The following TMEM63A variants were observed in gnomAD, a reference collection of about 807,000 sequenced individuals.
TMEM63A encodes the protein transmembrane protein 63A.
TMEM63A carries 76 observed loss-of-function variants against 100.6 expected under a neutral mutation model. That is an observed-to-expected ratio of 0.76 (90% CI 0.63 to 0.91). The LOEUF is 0.91. Ranked by LOEUF, TMEM63A falls within the 40% of genes least tolerant of loss-of-function variation. The pLI is 0.00. For synonymous variants in TMEM63A, 401 were observed against 401.1 expected (o/e 1.00, Z 0.00); for missense variants, 876 against 1,008.8 (o/e 0.87, Z 1.78).
At chr1:225,856,470 C>G (rs192799362) in intron 17 of TMEM63A, among the ~76,000 whole-genome samples, 182 bp downstream of exon 17, 12 of 151,120 alleles carry the variant, frequency 7.9e-5, no homozygotes, top group African/African-American at 2.9e-4. Flanking sequence ...TAAAGAAGAA[C>G]AATCAATCAT....
Position 225,865,594 on chromosome 1 carries a change from T to A in TMEM63A, c.746+303A>T, listed in dbSNP as rs1670162031. On this transcript the variant is annotated intron_variant, in intron 10 of 24. Coordinates refer to ENST00000366835, the MANE Select transcript of TMEM63A (RefSeq NM_014698.3). This position sits in a 1 kb window ranked among gnomAD's most constrained non-coding sequence, Gnocchi z 4.6. ...GCTAAGAACCCCGGGGTCAACAATT[T>A]TTTCCCCCGTATGCTCTCAAGACGT... The A allele has an allele frequency of 3.3e-6, 1 of 301,298 alleles. No individual in the cohort carries two copies. Among genetic ancestry groups the A allele is most frequent in the Non-Finnish European group, 6.5e-6 (1 of 154,904 alleles). 18.7% of individuals were successfully genotyped at this position (301,298 alleles called of 1,614,324 possible).
intron 23 of TMEM63A, among the ~76,000 whole-genome samples, chr1:225,847,725 TC>T (rs1159208705): frequency 6.6e-6 from 1 of 152,176 alleles, no homozygotes; most frequent in Non-Finnish European, 1.5e-5. Flanking sequence ...TCCTGCATGT[TC>T]CCTGCTTGGC....
intron 17 of TMEM63A, 71 bp downstream of exon 17, chr1:225,856,581 T>C: frequency 6.6e-7 from 1 of 1,518,448 alleles, no homozygotes; most frequent in Non-Finnish European, 9.0e-7. Flanking sequence ...ACCGTTTGCA[T>C]TCTCCTGGGG....
rs1669431829 is a variant in TMEM63A, at chr1:225,853,031, G to T, written c.1798-262C>A. ...CAACAGGCATGTGAGCCCCTGGAGG[G>T]AAGAGGTGGTCAGGGAAGAGGTGTA... On this transcript the variant is annotated intron_variant, in intron 19 of 24. Transcript: ENST00000366835. This position sits in a 1 kb window ranked among gnomAD's most constrained non-coding sequence, Gnocchi z 4.0. Among the ~76,000 whole-genome samples, 1 of 152,190 alleles carries T rather than the reference G, an allele frequency of 6.6e-6. No homozygotes were observed. The highest frequency in any genetic ancestry group is 2.4e-5 in the African/African-American group (1 of 41,456).
rs1668974245 is a variant in TMEM63A, at chr1:225,846,187, C to T, written c.*752G>A. The T allele has an allele frequency of 6.5e-6, 1 of 153,202 alleles. No individual in the cohort carries two copies. The highest frequency in any genetic ancestry group is 6.5e-5 in the Admixed American group (1 of 15,302). 9.5% of individuals were successfully genotyped at this position (153,202 alleles called of 1,614,324 possible). A position where few individuals can be genotyped will look rare whatever the true frequency, so the allele number is the denominator to read the frequency against. On this transcript the variant is annotated 3_prime_UTR_variant, in exon 25 of 25. Transcript: ENST00000366835. ...GCTCCGAGGAGGCCCTGAGCACTGCCCACCCCCACACCTTGGAGGGAGCAG... is the reference window on the plus strand; with the variant it reads ...GCTCCGAGGAGGCCCTGAGCACTGCTCACCCCCACACCTTGGAGGGAGCAG...
At chr1:225,854,371 G>A (rs1669506381) in intron 18 of TMEM63A, among the ~76,000 whole-genome samples, 1 of 152,210 alleles carries the variant, frequency 6.6e-6, no homozygotes, top group Admixed American at 6.5e-5. Flanking sequence ...TACACAGATG[G>A]CCACTGTGTC....
At position 225,846,768 on chromosome 1, in the gene TMEM63A, G is replaced by T; in HGVS notation, c.*171C>A. On this transcript the variant is annotated 3_prime_UTR_variant, in exon 25 of 25. Coordinates refer to ENST00000366835, the MANE Select transcript of TMEM63A (RefSeq NM_014698.3). ...GAAGCTTGTGCCGGAGGGGAAACTG[G>T]GTGAGCAAGGGAGGGGCGAGGCCTG... The T allele has an allele frequency of 2.8e-6, 1 of 358,238 alleles. No individual in the cohort carries two copies. Among genetic ancestry groups the T allele is most frequent in the South Asian group, 8.6e-5 (1 of 11,680 alleles). 22.2% of individuals were successfully genotyped at this position (358,238 alleles called of 1,614,324 possible). A position where few individuals can be genotyped will look rare whatever the true frequency, so the allele number is the denominator to read the frequency against.
intron 15 of TMEM63A, 21 bp downstream of exon 15, chr1:225,859,175 C>T: frequency 6.2e-7 from 1 of 1,613,970 alleles, no homozygotes. Flanking sequence ...CTGGGAGGGG[C>T]CTTGCAGAAC....
At position 225,859,366 on chromosome 1, in the gene TMEM63A, G is replaced by C. The variant is rs372804635; in HGVS notation, c.1224-17C>G. The C allele has an allele frequency of 3.7e-6, 6 of 1,612,974 alleles. No individual in the cohort carries two copies. Among genetic ancestry groups the C allele is most frequent in the Non-Finnish European group, 5.1e-6 (6 of 1,179,864 alleles). On this transcript the variant is annotated splice_polypyrimidine_tract_variant and intron_variant, in intron 14 of 24. Transcript: ENST00000366835. ...AGGTTCTTCCTGCAGCGGGAGAGGG[G>C]ATACAGGTCTCGAGGCTTGTCTCCC...
At position 225,853,062 on chromosome 1, in the gene TMEM63A, A is replaced by T. The variant is rs1669433214; in HGVS notation, c.1798-293T>A. 6.6e-6 allele frequency among the ~76,000 whole-genome samples: 1 copy of T among 151,970 alleles called. No individual in the cohort carries two copies. The highest frequency in any genetic ancestry group is 2.4e-5 in the African/African-American group (1 of 41,368). ...GTGGTCAGGGAAGAGGTGTAGAGTGACTCCAGCCCTTCTAGCAGGGGATCC... is the reference window on the plus strand; with the variant it reads ...GTGGTCAGGGAAGAGGTGTAGAGTGTCTCCAGCCCTTCTAGCAGGGGATCC... On this transcript the variant is annotated intron_variant, in intron 19 of 24. Coordinates refer to ENST00000366835, the MANE Select transcript of TMEM63A (RefSeq NM_014698.3). The surrounding 1 kb of genome is among the most constrained non-coding windows in gnomAD (Gnocchi z 4.0).
intron 13 of TMEM63A, chr1:225,861,688 G>A (rs1669945677): frequency 6.0e-6 from 1 of 166,994 alleles, no homozygotes; most frequent in Admixed American, 5.6e-5. Flanking sequence ...TGAGACCACA[G>A]GCATGAGAGC....
chr1:225,841,749 G>A (rs1668446026), downstream of TMEM63A, among the ~76,000 whole-genome samples: 1 of 151,758 alleles, frequency 6.6e-6, no homozygotes, highest in Non-Finnish European at 1.5e-5. Context: ...TTACAGGCAT[G>A]CACCACCATG....
At chr1:225,847,799 C>G (rs1287898096) in intron 23 of TMEM63A, among the ~76,000 whole-genome samples, 1 of 152,196 alleles carries the variant, frequency 6.6e-6, no homozygotes, top group Non-Finnish European at 1.5e-5. Context: ...TTGTTTGGAA[C>G]TTGTCCAAGG....
intron 23 of TMEM63A, chr1:225,847,460 G>A (rs1456051262): frequency 4.6e-6 from 2 of 437,530 alleles, no homozygotes; most frequent in Non-Finnish European, 8.1e-6. Flanking sequence ...CAAGAGAGCA[G>A]TTCTCAGAGG....
At chr1:225,866,853 A>G in intron 8 of TMEM63A, 171 bp from the exon 9 acceptor site, 1 of 692,084 alleles carries the variant, frequency 1.4e-6, no homozygotes, top group Non-Finnish European at 2.5e-6. Flanking sequence ...CCCACAGTGA[A>G]TACTTCAGAG....
intron 20 of TMEM63A, 103 bp downstream of exon 20, chr1:225,852,561 T>G: frequency 9.5e-7 from 1 of 1,057,820 alleles, no homozygotes; most frequent in Non-Finnish European, 1.4e-6. Flanking sequence ...GCTGTGGTTT[T>G]GGGAACTCCA....
intron 21 of TMEM63A, among the ~76,000 whole-genome samples, 154 bp downstream of exon 21, chr1:225,849,758 T>C (rs1669229158): frequency 1.3e-5 from 2 of 152,168 alleles, no homozygotes; most frequent in African/African-American, 4.8e-5. Flanking sequence ...GGGTACCACG[T>C]TCTGATGGGA....
Position 225,853,665 on chromosome 1 carries a change from C to T in TMEM63A, c.1761G>A (p.Met587Ile). ...TCCTGCGGTCAGCAGCCGTCTTGGC[C>T]ATGATCATGCGGAAGGTATAGAGGA... ...GLILYTFRMIMAKTAADRRNV... is the reference protein window; with the variant it reads ...GLILYTFRMIIAKTAADRRNV... The change falls in exon 19 of 25, where the codon ATG (methionine) becomes ATA (isoleucine). Residue 587 changes from methionine (M) to isoleucine (I), a missense_variant. Physicochemically the swap from Met to Ile is conservative, Grantham distance 10. Transcript: ENST00000366835. This position sits in a 1 kb window ranked among gnomAD's most constrained non-coding sequence, Gnocchi z 4.0. The T allele has an allele frequency of 6.3e-7, 1 of 1,577,778 alleles. No individual in the cohort carries two copies. Among genetic ancestry groups the T allele is most frequent in the South Asian group, 1.2e-5 (1 of 86,096 alleles).
chr1:225,846,965 G>A, intron 24 of TMEM63A, 33 bp from the exon 25 acceptor site: 1 of 1,491,600 alleles, frequency 6.7e-7, no homozygotes, highest in African/African-American at 1.4e-5. Flanking sequence ...ATGAACTTGG[G>A]AGTCAGGCCG....
Sources: gnomAD v4.1 joint callset for allele counts (sites outside exome capture counted in the v4.1 genomes callset) on GRCh38, gnomAD v4.1.1 for gene constraint, Gnocchi (gnomAD v3.1) non-coding constraint, MANE v1.5 for transcripts, NCBI Gene and HGNC (gene_info 2026-07-23, HGNC 2026-07-21) for gene names.